COG5: variants seen among roughly 807,000 people sequenced by gnomAD.
COG5 encodes the protein conserved oligomeric Golgi complex subunit 5.
A neutral mutation model predicts 110.4 loss-of-function variants in COG5; 86 were observed. The ratio of observed to expected loss-of-function variants is 0.78; its 90% CI spans 0.65 to 0.93. The LOEUF (loss-of-function observed/expected upper bound fraction) is 0.93. Among genes scored for constraint, COG5 ranks in the 40% least tolerant of loss-of-function variants. The pLI is 0.00. For missense variants in COG5, 1,077 were observed against 987.0 expected, an observed-to-expected ratio of 1.09 and a Z score of -1.22; for synonymous variants, 360 against 334.6, an observed-to-expected ratio of 1.08 and a Z score of -0.83.
chr7:107,211,089 T>C lies in COG5; in HGVS notation c.2295+10A>G. 6.2e-7 allele frequency: 1 copy of C among 1,613,928 alleles called. No individual in the cohort carries two copies. Among genetic ancestry groups the C allele is most frequent in the South Asian group, 1.1e-5 (1 of 91,078 alleles). On this transcript the variant is annotated intron_variant, in intron 20 of 21. Transcript: ENST00000297135. ...TCACAAAAGGGTTCTGGCTTGACTT[T>C]ATTTATTACCTGGAAAGGAGATTTC...
At chr7:107,304,191 T>C (rs989832016) in intron 11 of COG5, among the ~76,000 whole-genome samples, 1 of 152,194 alleles carries the variant, frequency 6.6e-6, no homozygotes, top group Non-Finnish European at 1.5e-5. Flanking sequence ...GTTTCCAAAA[T>C]GTGTAGGGAC....
intron 18 of COG5, among the ~76,000 whole-genome samples, chr7:107,233,654 C>A (rs988082876): frequency 6.6e-6 from 1 of 152,134 alleles, no homozygotes; most frequent in African/African-American, 2.4e-5. Flanking sequence ...ACTTTTATCA[C>A]AAGAACAGTT....
chr7:107,401,739 T>C (rs967457420), intron 7 of COG5, among the ~76,000 whole-genome samples: 2 of 152,134 alleles, frequency 1.3e-5, no homozygotes, highest in Non-Finnish European at 2.9e-5. Flanking sequence ...CTCTGTTGTA[T>C]AATCCATGAG....
chr7:107,500,357 A>G (rs1798560266), intron 6 of COG5, among the ~76,000 whole-genome samples: 1 of 152,212 alleles, frequency 6.6e-6, no homozygotes, highest in African/African-American at 2.4e-5. Flanking sequence ...CAATTTAGAT[A>G]CGGATTTCTT....
At chr7:107,476,297 C>T (rs925536008) in intron 6 of COG5, among the ~76,000 whole-genome samples, 5 of 123,236 alleles carry the variant, frequency 4.1e-5, no homozygotes, top group African/African-American at 1.4e-4. Flanking sequence ...ATCTGAATAC[C>T]AGGAATGAAA....
intron 21 of COG5, among the ~76,000 whole-genome samples, chr7:107,205,122 CCT>C (rs1001975926): frequency 2.6e-5 from 4 of 152,192 alleles, no homozygotes; most frequent in Non-Finnish European, 5.9e-5. Context: ...CTGTTTCTCC[CCT>C]GTTCTGGTCA....
At chr7:107,275,197 G>A (rs537991242) in intron 14 of COG5, among the ~76,000 whole-genome samples, 57 of 152,014 alleles carry the variant, frequency 3.7e-4, no homozygotes, top group African/African-American at 1.2e-3. Context: ...AGGGCCAGGC[G>A]CAGTGGCTCA....
chr7:107,210,238 A>G (rs891357436), intron 21 of COG5: 2 of 1,270,774 alleles, frequency 1.6e-6, no homozygotes, highest in Non-Finnish European at 2.0e-6. Flanking sequence ...TTCATAGCAA[A>G]TGATGATTTT....
chr7:107,293,574 C>A (rs1176172802), intron 12 of COG5, among the ~76,000 whole-genome samples: 1 of 152,178 alleles, frequency 6.6e-6, no homozygotes, highest in Non-Finnish European at 1.5e-5. Context: ...TGGACTCCAA[C>A]TTAAATGAAC....
chr7:107,441,760 T>A (rs1339808842), intron 6 of COG5, among the ~76,000 whole-genome samples: 1 of 152,222 alleles, frequency 6.6e-6, no homozygotes, highest in Non-Finnish European at 1.5e-5. Context: ...TTAGACCATA[T>A]GTGCTAAATT....
Position 107,202,971 on chromosome 7 carries a change from ATTTTTTTT to A in COG5, c.*537_*544del, listed in dbSNP as rs61088959. The A allele has an allele frequency of 2.1e-5, 3 of 144,112 alleles. No homozygotes were observed. Among genetic ancestry groups the A allele is most frequent in the Admixed American group, 1.4e-4 (2 of 14,366 alleles). 8.9% of individuals were successfully genotyped at this position (144,112 alleles called of 1,614,324 possible). On this transcript the variant is annotated 3_prime_UTR_variant, in exon 22 of 22. Coordinates refer to ENST00000297135, the MANE Select transcript of COG5 (RefSeq NM_006348.5). Reference sequence around the variant, plus strand: ...GTTGTCTATTGGAATCATTTTGGGGATTTTTTTTTTTTTTAATAGTGGTGTCTGTCAGG... The same window carrying A: ...GTTGTCTATTGGAATCATTTTGGGGATTTTTTAATAGTGGTGTCTGTCAGG...
At chr7:107,286,621 GCAAC>G (rs1805654332) in intron 12 of COG5, among the ~76,000 whole-genome samples, 1 of 152,144 alleles carries the variant, frequency 6.6e-6, no homozygotes, top group Non-Finnish European at 1.5e-5. Context: ...TTCTACTTGT[GCAAC>G]TCTTCAATCT....
chr7:107,386,651 A>T (rs1006520719), intron 7 of COG5, among the ~76,000 whole-genome samples: 1 of 152,190 alleles, frequency 6.6e-6, no homozygotes, highest in South Asian at 2.1e-4. Context: ...CAGCTGCTTG[A>T]AGCTAGTGGA....
chr7:107,523,005 A>AT (rs1227800714), intron 6 of COG5, among the ~76,000 whole-genome samples: 27 of 152,278 alleles, frequency 1.8e-4, no homozygotes, highest in African/African-American at 6.5e-4. Context: ...GATCCTCTGA[A>AT]TTTCTATATG....
intron 10 of COG5, among the ~76,000 whole-genome samples, chr7:107,354,165 CAT>C (rs1324137173): frequency 2.0e-5 from 3 of 152,130 alleles, no homozygotes; most frequent in African/African-American, 4.8e-5. Flanking sequence ...TAAAGTGAGA[CAT>C]ATGATTTGAT....
At chr7:107,509,547 A>G in intron 6 of COG5, among the ~76,000 whole-genome samples, 1 of 152,138 alleles carries the variant, frequency 6.6e-6, no homozygotes, top group Non-Finnish European at 1.5e-5. Flanking sequence ...AATACAGAGA[A>G]CGCCACAAAG....
intron 6 of COG5, among the ~76,000 whole-genome samples, chr7:107,498,198 A>T (rs1372481332): frequency 6.6e-6 from 1 of 152,236 alleles, no homozygotes; most frequent in Non-Finnish European, 1.5e-5. Flanking sequence ...ACACGTGAGG[A>T]AAAACTCTGT....
chr7:107,541,306 G>A (rs1369078139), intron 5 of COG5, among the ~76,000 whole-genome samples: 4 of 151,126 alleles, frequency 2.6e-5, no homozygotes, highest in Admixed American at 1.3e-4. Flanking sequence ...AGACCAACCT[G>A]AGCAGCAGGA....
intron 16 of COG5, among the ~76,000 whole-genome samples, chr7:107,252,860 CATT>C (rs1455131690): frequency 2.6e-5 from 4 of 152,046 alleles, no homozygotes; most frequent in Non-Finnish European, 4.4e-5. Context: ...AACTTAACAC[CATT>C]AATAATAAAA....
Sources: gnomAD v4.1 joint callset for allele counts (sites outside exome capture counted in the v4.1 genomes callset) on GRCh38, gnomAD v4.1.1 for gene constraint, MANE v1.5 for transcripts, NCBI Gene and HGNC (gene_info 2026-07-23, HGNC 2026-07-21) for gene names.